Variants in PRRC2C observed in about 807,000 individuals in gnomAD.
The protein encoded by PRRC2C is proline rich coiled-coil 2C.
Under a neutral mutation model 317.2 loss-of-function variants are expected in PRRC2C, and 72 were observed. That is an observed-to-expected ratio of 0.23 (90% confidence interval 0.19 to 0.28). The LOEUF is 0.28. Among genes scored for constraint, PRRC2C ranks in the 10% least tolerant of loss-of-function variants. The pLI is 1.00. For missense variants in PRRC2C, 3,074 were observed against 3,459.7 expected (o/e 0.89, Z 2.80); for synonymous variants, 1,296 against 1,205.9 (o/e 1.07, Z -1.55).
chr1:171,565,729 A>G (rs141942638), intron 20 of PRRC2C, among the ~76,000 whole-genome samples: 1 of 152,222 alleles, frequency 6.6e-6, no homozygotes, highest in Non-Finnish European at 1.5e-5. Flanking sequence ...TACAGGCATG[A>G]GCCACCATAC....
At chr1:171,486,820 AC>A (rs1666218620) in intron 1 of PRRC2C, among the ~76,000 whole-genome samples, 1 of 152,184 alleles carries the variant, frequency 6.6e-6, no homozygotes, top group South Asian at 2.1e-4. Flanking sequence ...GATACTAAGC[AC>A]CTACCAAGCC....
chr1:171,519,757 A>G (rs1311772922), intron 6 of PRRC2C, among the ~76,000 whole-genome samples: 21 of 152,158 alleles, frequency 1.4e-4, no homozygotes, highest in Non-Finnish European at 2.9e-5. Flanking sequence ...TTAACTCCTA[A>G]TATTTGAATC....
chr1:171,514,672 G>C (rs769103139), intron 4 of PRRC2C, 27 bp downstream of exon 4: 32 of 1,532,804 alleles, frequency 2.1e-5, no homozygotes, highest in African/African-American at 2.8e-5. Flanking sequence ...TGGGGAAGCT[G>C]CCTAGGCTTG....
chr1:171,524,881 T>G lies in PRRC2C; in HGVS notation c.1116T>G (p.Val372=), dbSNP rs147576374. The G allele has an allele frequency of 1.2e-6, 2 of 1,607,912 alleles. No homozygotes were observed. The highest frequency in any genetic ancestry group is 3.4e-5 in the Admixed American group (2 of 59,150). Residue 372 remains valine, a synonymous_variant, in exon 10 of 35, where the codon GTT becomes GTG. Coordinates refer to ENST00000647382, the MANE Select transcript of PRRC2C (RefSeq NM_001387844.1). ...AAAACAAAAAAGAAACAGATGAAGT[T>G]TCCAACACTAAATCATCTTCCCAAA... is the stretch of plus-strand genomic sequence containing the variant. ...NNENKKETDE[V]SNTKSSSQIP... is the part of the protein sequence containing the mutation.
Position 171,589,473 on chromosome 1 carries a change from G to A in PRRC2C, c.8304G>A (p.Met2768Ile), listed in dbSNP as rs1328177185. Residue 2768 changes from methionine (M) to isoleucine (I), a missense_variant, in exon 34 of 35, where the codon ATG becomes ATA. Physicochemically the swap from Met to Ile is conservative, Grantham distance 10 (BLOSUM62 1). Transcript: ENST00000647382. ...CACCAATGGCACTGGCCAGTCAGAT[G>A]CCTCCTCCGCTGACCACAGGCCTCA... ...QRPPMALASQ[M>I]PPPLTTGLMS... 2.3e-6 allele frequency: 3 copies of A among 1,289,796 alleles called. No individual in the cohort carries two copies. The highest frequency in any genetic ancestry group is 3.0e-6 in the Non-Finnish European group (3 of 988,868). The allele number at this position is 1,289,796 out of a possible 1,614,324, so 79.9% of individuals were successfully genotyped here. A position where few individuals can be genotyped will look rare whatever the true frequency, so the allele number is the denominator to read the frequency against.
intron 4 of PRRC2C, among the ~76,000 whole-genome samples, chr1:171,515,337 C>G (rs575483113): frequency 1.3e-5 from 2 of 152,246 alleles, no homozygotes; most frequent in African/African-American, 4.8e-5. Flanking sequence ...GCATTTTAGC[C>G]TCATCTTGAT....
intron 33 of PRRC2C, 57 bp from the exon 34 acceptor site, chr1:171,589,312 T>G (rs1263045326): frequency 3.4e-5 from 22 of 649,860 alleles, no homozygotes; most frequent in Non-Finnish European, 4.6e-5. Flanking sequence ...TTGGCAGTTT[T>G]TTTTTTTTTT....
At chr1:171,568,947 A>G (rs1229668344) in intron 23 of PRRC2C, among the ~76,000 whole-genome samples, 1 of 152,196 alleles carries the variant, frequency 6.6e-6, no homozygotes, top group African/African-American at 2.4e-5. Flanking sequence ...CAGAGCAACC[A>G]TGTTACTAAT....
At chr1:171,539,874 G>T (rs1042750465) in intron 15 of PRRC2C, 97 bp from the exon 16 acceptor site, 14 of 1,032,480 alleles carry the variant, frequency 1.4e-5, no homozygotes, top group Non-Finnish European at 1.9e-5. Flanking sequence ...ATGGTTAAGA[G>T]TCATTGCTTT....
chr1:171,498,483 C>T (rs1431785379), intron 1 of PRRC2C, among the ~76,000 whole-genome samples: 2 of 152,200 alleles, frequency 1.3e-5, no homozygotes, highest in African/African-American at 4.8e-5. Flanking sequence ...CTAAAGACCC[C>T]ACCTCTTAAA....
chr1:171,576,412 G>C (rs1685704255), intron 25 of PRRC2C, among the ~76,000 whole-genome samples: 1 of 152,170 alleles, frequency 6.6e-6, no homozygotes, highest in Admixed American at 6.5e-5. Context: ...AAGGATAGAA[G>C]CACTTGAATT....
intron 11 of PRRC2C, among the ~76,000 whole-genome samples, chr1:171,530,728 C>T (rs1447688220): frequency 6.6e-6 from 1 of 152,130 alleles, no homozygotes; most frequent in Non-Finnish European, 1.5e-5. Context: ...TTTTACTGCA[C>T]TGCCAGAATT....
intron 28 of PRRC2C, among the ~76,000 whole-genome samples, chr1:171,580,862 G>A (rs1321459074): frequency 6.6e-6 from 1 of 152,158 alleles, no homozygotes; most frequent in Non-Finnish European, 1.5e-5. Flanking sequence ...GGAAGGCTGT[G>A]CATTTGTTTT....
intron 23 of PRRC2C, among the ~76,000 whole-genome samples, chr1:171,568,867 C>T (rs1430004492): frequency 1.3e-4 from 19 of 151,842 alleles, no homozygotes; most frequent in Non-Finnish European, 1.2e-4. Flanking sequence ...TACATAAGTA[C>T]GCCAAACACT....
chr1:171,486,621 C>G (rs948914681), intron 1 of PRRC2C, among the ~76,000 whole-genome samples: 3 of 152,126 alleles, frequency 2.0e-5, no homozygotes, highest in African/African-American at 7.2e-5. Context: ...GCTTATAAAG[C>G]TACCTGGATT....
chr1:171,524,182 T>G (rs7536460), intron 9 of PRRC2C, among the ~76,000 whole-genome samples: 122,460 of 151,678 alleles, frequency 0.81, 49,549 homozygotes, highest in Middle Eastern at 0.9. Flanking sequence ...TACTACAGCT[T>G]TTTCAGGTCC....
chr1:171,549,955 A>C, intron 17 of PRRC2C, 131 bp from the exon 18 acceptor site: 1 of 593,250 alleles, frequency 1.7e-6, no homozygotes, highest in African/African-American at 1.9e-5. Flanking sequence ...AATAGGTTAT[A>C]CACTATAAGT....
At chr1:171,530,358 C>G (rs1257151113) in intron 11 of PRRC2C, among the ~76,000 whole-genome samples, 1 of 150,696 alleles carries the variant, frequency 6.6e-6, no homozygotes, top group Non-Finnish European at 1.5e-5. Flanking sequence ...ATCCTCCTGC[C>G]TCAGCCTACC....
In PRRC2C at chr1:171,574,954, A is replaced by T; in HGVS notation, c.6781A>T (p.Asn2261Tyr). The T allele has an allele frequency of 6.2e-7, 1 of 1,613,830 alleles. No homozygotes were observed. The highest frequency in any genetic ancestry group is 2.2e-5 in the East Asian group (1 of 44,860). Residue 2261 changes from asparagine to tyrosine, a missense_variant, in exon 25 of 35, where the codon AAT becomes TAT. Around this residue, in one of 11 missense-constraint regions of PRRC2C, gnomAD observed 490 missense variants for 663.1 expected, o/e 0.74. Transcript: ENST00000647382. ...GGAGTCTGCACGCAAAGCATGGGAG[A>T]ATTCTCCAAATGTAAGGGAAAAGGG... Reference protein sequence around the residue: ...KMESARKAWENSPNVREKGSP... With the variant: ...KMESARKAWEYSPNVREKGSP...
Sources: gnomAD v4.1 joint callset for allele counts (sites outside exome capture counted in the v4.1 genomes callset) on GRCh38, gnomAD v4.1.1 for gene constraint, gnomAD v4.1.1 regional missense constraint, MANE v1.5 for transcripts, NCBI Gene and HGNC (gene_info 2026-07-23, HGNC 2026-07-21) for gene names.